The following PACRG variants were observed in gnomAD, a reference collection of about 807,000 sequenced individuals.
The protein encoded by PACRG is parkin coregulated, also known as parkin coregulated gene protein.
PACRG carries 29 observed loss-of-function variants against 29.7 expected under a neutral mutation model. The ratio of observed to expected loss-of-function variants is 0.98; its 90% CI spans 0.73 to 1.33. The LOEUF (loss-of-function observed/expected upper bound fraction) is 1.33. PACRG is among the 40% of genes most tolerant of loss of function. The pLI is 0.00. For missense variants in PACRG, 279 were observed against 316.2 expected (o/e 0.88, Z 0.89); for synonymous variants, 116 against 118.7 (o/e 0.98, Z 0.15).
chr6:162,971,064 C>T (rs972742549), intron 2 of PACRG, among the ~76,000 whole-genome samples: 10 of 152,226 alleles, frequency 6.6e-5, no homozygotes, highest in African/African-American at 9.6e-5. Flanking sequence ...ATAGTGACAG[C>T]TTCCATAATA....
intron 1 of PACRG, among the ~76,000 whole-genome samples, chr6:162,798,886 A>G (rs1376836354): frequency 1.3e-5 from 2 of 152,352 alleles, no homozygotes; most frequent in East Asian, 3.9e-4. Flanking sequence ...TGCCTATATA[A>G]AATTTTAGTA....
intron 2 of PACRG, among the ~76,000 whole-genome samples, chr6:162,865,730 G>C (rs1223597314): frequency 3.3e-5 from 5 of 152,012 alleles, no homozygotes; most frequent in Non-Finnish European, 7.4e-5. Flanking sequence ...CATGTAATTA[G>C]CATTCAGAAA....
intron 1 of PACRG, among the ~76,000 whole-genome samples, chr6:162,813,590 G>T (rs1787067528): frequency 6.6e-6 from 1 of 151,984 alleles, no homozygotes; most frequent in Non-Finnish European, 1.5e-5. Flanking sequence ...AATGTATGCT[G>T]TACACACACA....
chr6:162,827,026 A>G (rs1562637821), intron 2 of PACRG, among the ~76,000 whole-genome samples: 2 of 152,192 alleles, frequency 1.3e-5, no homozygotes, highest in African/African-American at 2.4e-5. Flanking sequence ...CATAGAAATA[A>G]TCACTGTAGA....
intron 4 of PACRG, among the ~76,000 whole-genome samples, chr6:163,145,539 G>C (rs1777758844): frequency 6.6e-6 from 1 of 152,154 alleles, no homozygotes; most frequent in Admixed American, 6.5e-5. Flanking sequence ...TTTCAAGCTG[G>C]GATGATTTTC....
chr6:163,227,806 T>A (rs1781864370), intron 4 of PACRG, among the ~76,000 whole-genome samples: 2 of 152,158 alleles, frequency 1.3e-5, no homozygotes, highest in African/African-American at 4.8e-5. Flanking sequence ...AACCCACAAC[T>A]TGGGTGTTAT....
rs1468479762 is a variant in PACRG, at chr6:162,994,782, A to G, written c.292-67368A>G. Among the ~76,000 whole-genome samples the G allele has an allele frequency of 5.4e-4, 81 of 151,112 alleles. 2 individuals are homozygous for G. Among genetic ancestry groups the G allele is most frequent in the South Asian group, 4.2e-3 (20 of 4,768 alleles). ...CATCCAGCTTTGTTCCGTTGCTGGT[A>G]AGGAACTGCGTTCCTTTGGAGGAGG... On this transcript the variant is annotated intron_variant, in intron 2 of 4. Coordinates refer to ENST00000366888, the MANE Select transcript of PACRG (RefSeq NM_001080379.2).
intron 4 of PACRG, among the ~76,000 whole-genome samples, chr6:163,142,440 T>A (rs1228596178): frequency 1.3e-5 from 2 of 151,946 alleles, no homozygotes; most frequent in Non-Finnish European, 2.9e-5. Flanking sequence ...AAACCCAAAA[T>A]AAGCCAATAA....
intron 1 of PACRG, among the ~76,000 whole-genome samples, chr6:162,738,180 G>A (rs1321087826): frequency 1.3e-5 from 2 of 152,092 alleles, no homozygotes; most frequent in African/African-American, 2.4e-5. Flanking sequence ...TCCTAAATAT[G>A]CATAATGAAT....
rs1421121754 is a variant in PACRG, at chr6:162,791,313, T to TTG, written c.157-22833_157-22832insGT. On this transcript the variant is annotated intron_variant, in intron 1 of 4. Coordinates refer to ENST00000366888, the MANE Select transcript of PACRG (RefSeq NM_001080379.2). ...TCTGACTCCTAGTTTGTTTGTTTGT[T>TTG]TTTTTTTTTTTTGCTTTGCGCTAAC... 9.3e-4 allele frequency among the ~76,000 whole-genome samples: 139 copies of TTG among 149,198 alleles called. 2 individuals carry two copies. The Middle Eastern group carries it at 0.014, about 15-fold the overall frequency.
At chr6:162,748,054 A>G (rs1781221155) in intron 1 of PACRG, among the ~76,000 whole-genome samples, 1 of 152,138 alleles carries the variant, frequency 6.6e-6, no homozygotes, top group Admixed American at 6.6e-5. Flanking sequence ...CAACCTATTA[A>G]TTTTACTCTA....
intron 4 of PACRG, among the ~76,000 whole-genome samples, chr6:163,200,166 C>T (rs1780637488): frequency 6.6e-6 from 1 of 152,098 alleles, no homozygotes; most frequent in South Asian, 2.1e-4. Flanking sequence ...TTTTAGTCCT[C>T]TTTATGTACT....
intron 4 of PACRG, among the ~76,000 whole-genome samples, chr6:163,308,282 A>G (rs2128192469): frequency 6.6e-6 from 1 of 152,324 alleles, no homozygotes; most frequent in East Asian, 1.9e-4. Flanking sequence ...TAAAATTGAC[A>G]TTTCTGCTTA....
chr6:163,066,040 T>C (rs535885040), intron 3 of PACRG, among the ~76,000 whole-genome samples: 1 of 152,282 alleles, frequency 6.6e-6, no homozygotes, highest in Non-Finnish European at 1.5e-5. Flanking sequence ...GAAGAGATGT[T>C]CTAGGAGGAA....
At chr6:163,207,186 G>T (rs73784533) in intron 4 of PACRG, among the ~76,000 whole-genome samples, 1,824 of 152,220 alleles carry the variant, frequency 0.012, 38 homozygotes, top group African/African-American at 0.042. Flanking sequence ...GGTCCCAGTG[G>T]TATTTATCTC....
intron 2 of PACRG, among the ~76,000 whole-genome samples, chr6:162,828,534 T>C (rs573261344): frequency 3.9e-5 from 6 of 152,270 alleles, no homozygotes; most frequent in African/African-American, 1.4e-4. Context: ...TTCTCAGGGC[T>C]CATGGAGCTT....
At chr6:162,872,894 T>C (rs115719834) in intron 2 of PACRG, among the ~76,000 whole-genome samples, 1,808 of 152,248 alleles carry the variant, frequency 0.012, 36 homozygotes, top group African/African-American at 0.041. Flanking sequence ...CTTTATTATC[T>C]CTTATAATTA....
At chr6:162,857,180 G>A (rs1288939469) in intron 2 of PACRG, among the ~76,000 whole-genome samples, 1 of 152,194 alleles carries the variant, frequency 6.6e-6, no homozygotes, top group Non-Finnish European at 1.5e-5. Context: ...ATCTTGCTCC[G>A]AGAGTTCACA....
At chr6:163,046,654 T>C (rs1165261646) in intron 2 of PACRG, 1 of 152,156 alleles carries the variant, frequency 6.6e-6, no homozygotes, top group African/African-American at 2.4e-5. Context: ...CAGAGTGTCA[T>C]TGATTCATTC....
Sources: allele counts gnomAD v4.1 joint callset (sites outside exome capture counted in the v4.1 genomes callset), GRCh38; gene constraint gnomAD v4.1.1; transcripts MANE v1.5; gene names NCBI Gene and HGNC (gene_info 2026-07-23, HGNC 2026-07-21).